The following MTMR10 variants were observed in gnomAD, a reference collection of about 807,000 sequenced individuals.
MTMR10 encodes the protein myotubularin related protein 10.
MTMR10 carries 56 observed loss-of-function variants against 88.1 expected under a neutral mutation model. The observed-to-expected ratio is 0.64, with a 90% CI of 0.51 to 0.79. The LOEUF (loss-of-function observed/expected upper bound fraction) is 0.79. MTMR10 is among the 30% of genes least tolerant of loss of function. The pLI, the probability that MTMR10 is intolerant of heterozygous loss-of-function variation, is 0.00. For missense variants in MTMR10, 883 were observed against 924.7 expected (o/e 0.95, Z 0.58); for synonymous variants, 380 against 340.9 (o/e 1.11, Z -1.26).
At chr15:30,928,161 G>A in the MTMR10 span, 1 of 1,013,092 alleles carries the variant, frequency 9.9e-7, no homozygotes, top group Non-Finnish European at 1.2e-6. Flanking sequence ...TCCGGCATCA[G>A]GGCCTGCATG....
At chr15:30,942,222 T>C (rs2063078364) in intron 15 of MTMR10, 150 bp from the exon 16 acceptor site, 5 of 963,710 alleles carry the variant, frequency 5.2e-6, no homozygotes, top group Non-Finnish European at 6.1e-6. Flanking sequence ...GTCCTTATTC[T>C]AATCCTCCTC....
chr15:30,957,787 G>C (rs925166819), intron 9 of MTMR10, among the ~76,000 whole-genome samples: 1 of 152,220 alleles, frequency 6.6e-6, no homozygotes, highest in African/African-American at 2.4e-5. Context: ...GTCCAGAAGG[G>C]AAGAGCGCTG....
intron 6 of MTMR10, among the ~76,000 whole-genome samples, chr15:30,966,230 TG>T (rs1284192205): frequency 6.6e-6 from 1 of 152,168 alleles, no homozygotes; most frequent in Non-Finnish European, 1.5e-5. Flanking sequence ...GAAGAAATAG[TG>T]GAACTGAATG....
the MTMR10 span, chr15:30,925,417 T>C: frequency 1.1e-6 from 1 of 939,316 alleles, no homozygotes. Context: ...CTAAAACTCG[T>C]TTTGGACGGC....
the MTMR10 span, among the ~76,000 whole-genome samples, chr15:30,926,140 G>A: frequency 2.0e-5 from 3 of 152,200 alleles, no homozygotes; most frequent in African/African-American, 7.2e-5. Context: ...CACAGGGCCT[G>A]GCTCTGATCT....
the MTMR10 span, chr15:30,929,435 G>C: frequency 3.3e-6 from 5 of 1,531,866 alleles, no homozygotes; most frequent in Non-Finnish European, 4.4e-6. Context: ...TGCTCAGAAA[G>C]TTAACACCGC....
chr15:30,983,782 A>C (rs1264854705), intron 2 of MTMR10, among the ~76,000 whole-genome samples: 1 of 152,244 alleles, frequency 6.6e-6, no homozygotes, highest in Non-Finnish European at 1.5e-5. Flanking sequence ...CCCTAGCTTT[A>C]GGTAAATTCA....
chr15:30,955,348 G>A (rs1380247997), intron 9 of MTMR10, among the ~76,000 whole-genome samples: 4 of 152,170 alleles, frequency 2.6e-5, no homozygotes, highest in Non-Finnish European at 5.9e-5. Context: ...TCGGCTCACT[G>A]CAACCTCCCC....
intron 9 of MTMR10, among the ~76,000 whole-genome samples, chr15:30,958,426 G>A (rs2063356215): frequency 6.6e-6 from 1 of 152,236 alleles, no homozygotes; most frequent in African/African-American, 2.4e-5. Flanking sequence ...TGACGTGGAG[G>A]TTACTAATGA....
At chr15:30,947,041 T>A in intron 14 of MTMR10, 89 bp downstream of exon 14, 1 of 1,431,906 alleles carries the variant, frequency 7.0e-7, no homozygotes, top group Non-Finnish European at 9.4e-7. Flanking sequence ...ATCATAAGAT[T>A]TTAAATAGGC....
intron 7 of MTMR10, 125 bp from the exon 8 acceptor site, chr15:30,959,246 T>C: frequency 1.2e-6 from 1 of 815,720 alleles, no homozygotes; most frequent in Non-Finnish European, 1.9e-6. Context: ...AGTAGCCACA[T>C]GGTGGGCACC....
the MTMR10 span, chr15:30,920,478 C>T: frequency 4.0e-6 from 4 of 1,004,424 alleles, no homozygotes; most frequent in Admixed American, 7.7e-5. Flanking sequence ...TGCTTTGTCA[C>T]TTGTTATTAT....
At chr15:30,966,853 ATTTTCT>A (rs1207974481) in intron 6 of MTMR10, among the ~76,000 whole-genome samples, 12 of 117,048 alleles carry the variant, frequency 1.0e-4, no homozygotes, top group African/African-American at 3.4e-4. Context: ...TCTCTACTGT[ATTTTCT>A]TTTTTTTTTT....
intron 14 of MTMR10, chr15:30,946,626 G>T: frequency 1.5e-6 from 1 of 661,582 alleles, no homozygotes; most frequent in Non-Finnish European, 2.7e-6. Context: ...GTTGGTTCGA[G>T]GTGGGTGAAA....
Position 30,975,021 on chromosome 15 carries a change from GTTCATA to G in MTMR10, c.259-24_259-19del. 1 of 1,494,498 alleles carries G rather than the reference GTTCATA, an allele frequency of 6.7e-7. No individual in the cohort carries two copies. Among genetic ancestry groups the G allele is most frequent in the Non-Finnish European group, 9.1e-7 (1 of 1,096,784 alleles). 92.6% of individuals were successfully genotyped at this position (1,494,498 alleles called of 1,614,324 possible). ...TGGAATTTCTGGAATAAAAAATTAT[GTTCATA>G]TTAATTCTTTTCCCAATAATCTCAC... is the stretch of plus-strand genomic sequence containing the variant. On this transcript the variant is annotated intron_variant, in intron 3 of 15. Coordinates refer to ENST00000435680, the MANE Select transcript of MTMR10 (RefSeq NM_017762.3).
At chr15:30,965,596 G>A (rs1268414497) in intron 6 of MTMR10, among the ~76,000 whole-genome samples, 1 of 152,180 alleles carries the variant, frequency 6.6e-6, no homozygotes, top group African/African-American at 2.4e-5. Context: ...AGAAAAAACA[G>A]AATCATTGTT....
the MTMR10 span, among the ~76,000 whole-genome samples, chr15:30,921,825 TCCTG>T: frequency 6.6e-5 from 10 of 152,226 alleles, no homozygotes; most frequent in Non-Finnish European, 1.0e-4. Flanking sequence ...CTCATTACTT[TCCTG>T]CCCACCCCAA....
chr15:30,945,496 T>C (rs1427044243), intron 14 of MTMR10, among the ~76,000 whole-genome samples: 1 of 152,034 alleles, frequency 6.6e-6, no homozygotes, highest in Admixed American at 6.6e-5. Context: ...CACTGCCCAG[T>C]CCCCAGACCC....
intron 13 of MTMR10, among the ~76,000 whole-genome samples, chr15:30,947,537 GCA>G (rs1168214398): frequency 6.6e-6 from 1 of 152,202 alleles, no homozygotes; most frequent in African/African-American, 2.4e-5. Context: ...AAACAGCAAA[GCA>G]CACAGTTGAG....
Sources: gnomAD v4.1 joint callset for allele counts (sites outside exome capture counted in the v4.1 genomes callset) on GRCh38, gnomAD v4.1.1 for gene constraint, MANE v1.5 for transcripts, NCBI Gene and HGNC (gene_info 2026-07-23, HGNC 2026-07-21) for gene names.